The following MACROD2 variants were observed in gnomAD, a reference collection of about 807,000 sequenced individuals.
MACROD2 encodes the protein ADP-ribose glycohydrolase MACROD2.
In MACROD2, 36 loss-of-function variants were observed where a neutral mutation model predicts 70.4. The ratio of observed to expected loss-of-function variants is 0.51; its 90% CI spans 0.39 to 0.68. MACROD2 has a LOEUF of 0.68. Among genes scored for constraint, MACROD2 ranks in the 30% least tolerant of loss-of-function variants. The pLI is 0.00. For synonymous variants in MACROD2, 172 were observed against 178.8 expected (o/e 0.96, Z 0.30); for missense variants, 496 against 538.4 (o/e 0.92, Z 0.78).
chr20:14,725,340 A>T (rs985666496), intron 5 of MACROD2, among the ~76,000 whole-genome samples: 7 of 152,102 alleles, frequency 4.6e-5, no homozygotes, highest in African/African-American at 7.2e-5. Flanking sequence ...TTGAGAATGG[A>T]TGAGATCACC....
At chr20:15,596,665 A>G (rs930520437) in intron 8 of MACROD2, among the ~76,000 whole-genome samples, 4 of 152,222 alleles carry the variant, frequency 2.6e-5, no homozygotes, top group South Asian at 2.1e-4. Context: ...GTGTACTTCC[A>G]AAGAAGGGCT....
chr20:15,171,909 G>T (rs983276575), intron 5 of MACROD2, among the ~76,000 whole-genome samples: 1 of 152,136 alleles, frequency 6.6e-6, no homozygotes, highest in Non-Finnish European at 1.5e-5. Flanking sequence ...CCAGCAGCTA[G>T]CACAATACCT....
At chr20:14,212,475 C>A (rs979456937) in intron 3 of MACROD2, among the ~76,000 whole-genome samples, 1 of 152,094 alleles carries the variant, frequency 6.6e-6, no homozygotes, top group African/African-American at 2.4e-5. Context: ...GATGCCCAGC[C>A]GGTAGCATTA....
intron 5 of MACROD2, among the ~76,000 whole-genome samples, chr20:14,919,801 G>A (rs1045174241): frequency 1.3e-5 from 2 of 152,210 alleles, no homozygotes; most frequent in Admixed American, 6.5e-5. Context: ...GTCAATGAAT[G>A]ATGAAGCAAA....
intron 7 of MACROD2, among the ~76,000 whole-genome samples, chr20:15,472,048 C>A (rs116977105): frequency 6.6e-6 from 1 of 152,168 alleles, no homozygotes; most frequent in African/African-American, 2.4e-5. Flanking sequence ...ACCATCTCCC[C>A]GCAATGATCC....
At chr20:14,900,023 G>T (rs1196802321) in intron 5 of MACROD2, among the ~76,000 whole-genome samples, 1 of 152,046 alleles carries the variant, frequency 6.6e-6, no homozygotes, top group African/African-American at 2.4e-5. Flanking sequence ...CATTATGAAA[G>T]GCTGCTGTAT....
chr20:15,002,869 A>G (rs1180835747), intron 5 of MACROD2, among the ~76,000 whole-genome samples: 3 of 152,214 alleles, frequency 2.0e-5, no homozygotes, highest in Non-Finnish European at 2.9e-5. Context: ...CAAGAGAAAC[A>G]TGGAATATCT....
chr20:14,771,059 C>G (rs1464716162), intron 5 of MACROD2, among the ~76,000 whole-genome samples: 2 of 152,006 alleles, frequency 1.3e-5, no homozygotes, highest in Admixed American at 1.3e-4. Context: ...GCTGATTGCC[C>G]TCTCCAATAT....
intron 5 of MACROD2, among the ~76,000 whole-genome samples, chr20:14,849,419 C>G (rs2073175380): frequency 6.6e-6 from 1 of 152,090 alleles, no homozygotes; most frequent in Non-Finnish European, 1.5e-5. Context: ...CTTCGGTGTG[C>G]TGGGGCTGTC....
chr20:14,906,640 G>A (rs2073962840), intron 5 of MACROD2, among the ~76,000 whole-genome samples: 2 of 152,086 alleles, frequency 1.3e-5, no homozygotes, highest in Non-Finnish European at 2.9e-5. Context: ...TTTTTTCAGA[G>A]TAAATAAATA....
intron 5 of MACROD2, among the ~76,000 whole-genome samples, chr20:14,844,543 C>T (rs1290455973): frequency 2.0e-5 from 3 of 151,866 alleles, no homozygotes; most frequent in African/African-American, 7.2e-5. Flanking sequence ...AAAATAAAAA[C>T]GCTGATAGAA....
chr20:15,563,378 C>A (rs2048270270), intron 8 of MACROD2, among the ~76,000 whole-genome samples: 1 of 152,124 alleles, frequency 6.6e-6, no homozygotes, highest in South Asian at 2.1e-4. Flanking sequence ...ATATCCAGTC[C>A]AGTAGAGATG....
intron 3 of MACROD2, among the ~76,000 whole-genome samples, chr20:14,308,278 A>C (rs187598979): frequency 6.6e-6 from 1 of 152,156 alleles, no homozygotes; most frequent in East Asian, 1.9e-4. Context: ...GTCATTAGGT[A>C]TGGCTGAGTT....
At chr20:15,400,066 G>T (rs979391567) in intron 6 of MACROD2, among the ~76,000 whole-genome samples, 1 of 152,168 alleles carries the variant, frequency 6.6e-6, no homozygotes, top group African/African-American at 2.4e-5. Flanking sequence ...CACTATAAAA[G>T]AAGTCAGGAA....
At chr20:15,241,934 G>T (rs1336187187) in intron 6 of MACROD2, among the ~76,000 whole-genome samples, 1 of 152,082 alleles carries the variant, frequency 6.6e-6, no homozygotes, top group Admixed American at 6.6e-5. Context: ...TCTCCATTAG[G>T]TTCAGGCTTT....
chr20:15,092,301 A>G (rs2075798370), intron 5 of MACROD2, among the ~76,000 whole-genome samples: 1 of 151,468 alleles, frequency 6.6e-6, no homozygotes, highest in Non-Finnish European at 1.5e-5. Flanking sequence ...CAAACTGACA[A>G]GTGATTACAG....
In MACROD2 at chr20:14,133,037, G is replaced by A. The variant is rs543988942; in HGVS notation, c.271+47309G>A. Among the ~76,000 whole-genome samples, 4 of 152,276 alleles carry A rather than the reference G, an allele frequency of 2.6e-5. No individual in the cohort carries two copies. The South Asian group carries it at 8.3e-4, about 32-fold the overall frequency. Reference sequence around the variant, plus strand: ...GTGTGTATATGGGACTGGCTCACATGATCACATGATTATGGAGGCTGACTA... The same window carrying A: ...GTGTGTATATGGGACTGGCTCACATAATCACATGATTATGGAGGCTGACTA... On this transcript the variant is annotated intron_variant, in intron 3 of 17. Transcript: ENST00000684519.
At chr20:15,701,225 A>G (rs1339770247) in intron 8 of MACROD2, among the ~76,000 whole-genome samples, 2 of 152,218 alleles carry the variant, frequency 1.3e-5, no homozygotes, top group East Asian at 3.8e-4. Flanking sequence ...GACAGAGACT[A>G]TGGCCTGGAA....
intron 5 of MACROD2, among the ~76,000 whole-genome samples, chr20:15,072,912 T>C (rs958258007): frequency 6.6e-6 from 1 of 152,088 alleles, no homozygotes; most frequent in East Asian, 1.9e-4. Context: ...GGTGTTTGGG[T>C]CATGGGGGCA....
Sources: gnomAD v4.1 joint callset for allele counts (sites outside exome capture counted in the v4.1 genomes callset) on GRCh38, gnomAD v4.1.1 for gene constraint, MANE v1.5 for transcripts, NCBI Gene and HGNC (gene_info 2026-07-23, HGNC 2026-07-21) for gene names.